Variants in RSRC1 observed in about 807,000 individuals in gnomAD.
RSRC1 encodes the protein serine/Arginine-related protein 53.
Under a neutral mutation model 49.1 loss-of-function variants are expected in RSRC1, and 39 were observed. The ratio of observed to expected loss-of-function variants is 0.79; its 90% CI spans 0.61 to 1.04. The LOEUF is 1.04. RSRC1 is among the 50% of genes least tolerant of loss of function. RSRC1 has a pLI of 0.00. For missense variants in RSRC1, 388 were observed against 402.4 expected (o/e 0.96, Z 0.31); for synonymous variants, 143 against 130.8 (o/e 1.09, Z -0.63).
chr3:158,342,718 C>T (rs1008041278), intron 5 of RSRC1, among the ~76,000 whole-genome samples: 6 of 152,086 alleles, frequency 3.9e-5, no homozygotes, highest in South Asian at 2.1e-4. Context: ...CTTCCAGTCA[C>T]GATGGAATAA....
intron 4 of RSRC1, among the ~76,000 whole-genome samples, chr3:158,291,528 A>G (rs1013697164): frequency 2.0e-5 from 3 of 152,208 alleles, no homozygotes; most frequent in Non-Finnish European, 4.4e-5. Flanking sequence ...CACTTTTATA[A>G]GTAAATCCAT....
intron 7 of RSRC1, among the ~76,000 whole-genome samples, chr3:158,530,946 AACTC>A (rs1174449756): frequency 1.3e-5 from 2 of 150,010 alleles, no homozygotes; most frequent in Admixed American, 6.6e-5. Context: ...AAAAAAAAAA[AACTC>A]ACCACTGAAA....
intron 4 of RSRC1, among the ~76,000 whole-genome samples, chr3:158,241,027 C>A (rs1200835704): frequency 6.6e-6 from 1 of 151,986 alleles, no homozygotes; most frequent in African/African-American, 2.4e-5. Context: ...AATGTATAAA[C>A]TAAACTTTAT....
At chr3:158,382,026 A>G (rs1224689965) in intron 6 of RSRC1, among the ~76,000 whole-genome samples, 1 of 152,208 alleles carries the variant, frequency 6.6e-6, no homozygotes, top group African/African-American at 2.4e-5. Flanking sequence ...ACCATTTTAA[A>G]TAACACTCAG....
intron 7 of RSRC1, among the ~76,000 whole-genome samples, chr3:158,519,530 T>G (rs1711543422): frequency 6.6e-6 from 1 of 151,784 alleles, no homozygotes; most frequent in South Asian, 2.1e-4. Flanking sequence ...CTGTAAAGAT[T>G]ATAAGCTAAA....
intron 7 of RSRC1, among the ~76,000 whole-genome samples, chr3:158,462,398 G>T (rs1415059849): frequency 6.6e-6 from 1 of 151,730 alleles, no homozygotes; most frequent in Non-Finnish European, 1.5e-5. Flanking sequence ...TAACATAATG[G>T]CCCTTATAAA....
intron 3 of RSRC1, among the ~76,000 whole-genome samples, chr3:158,124,314 A>T (rs1443068444): frequency 6.6e-6 from 1 of 152,080 alleles, no homozygotes; most frequent in South Asian, 2.1e-4. Flanking sequence ...TTCCCCAGAC[A>T]TGAGTTTACT....
intron 5 of RSRC1, among the ~76,000 whole-genome samples, chr3:158,331,952 G>C (rs553824001): frequency 3.4e-4 from 52 of 150,930 alleles, no homozygotes; most frequent in Non-Finnish European, 7.4e-4. Flanking sequence ...AGTATACAAA[G>C]CAGTACTTTT....
intron 4 of RSRC1, among the ~76,000 whole-genome samples, chr3:158,269,806 C>G (rs893185814): frequency 6.6e-6 from 1 of 152,136 alleles, no homozygotes; most frequent in African/African-American, 2.4e-5. Context: ...GCCCAGAAAA[C>G]AGATTTCTTA....
chr3:158,248,133 C>T (rs929083080), intron 4 of RSRC1, among the ~76,000 whole-genome samples: 1 of 152,182 alleles, frequency 6.6e-6, no homozygotes, highest in African/African-American at 2.4e-5. Flanking sequence ...GGCATTTTCT[C>T]TTGCTCCCTC....
At chr3:158,341,341 GCC>G (rs763514235) in intron 5 of RSRC1, among the ~76,000 whole-genome samples, 7 of 152,082 alleles carry the variant, frequency 4.6e-5, no homozygotes, top group Non-Finnish European at 1.0e-4. Flanking sequence ...GGTTTCGTGG[GCC>G]AGGTCCAGGT....
chr3:158,348,516 G>T (rs1311129342), intron 5 of RSRC1, among the ~76,000 whole-genome samples: 1 of 152,040 alleles, frequency 6.6e-6, no homozygotes, highest in African/African-American at 2.4e-5. Context: ...ATCTCCACAG[G>T]CCATTATGAG....
At chr3:158,226,584 A>G (rs1468148717) in intron 4 of RSRC1, among the ~76,000 whole-genome samples, 1 of 151,890 alleles carries the variant, frequency 6.6e-6, no homozygotes, top group Non-Finnish European at 1.5e-5. Context: ...CCCTGTGTCT[A>G]GTGTAATATA....
chr3:158,238,527 C>G (rs368737398), intron 4 of RSRC1, among the ~76,000 whole-genome samples: 1 of 152,050 alleles, frequency 6.6e-6, no homozygotes. Flanking sequence ...AGATATAGAC[C>G]AATGGAGCAG....
chr3:158,297,038 A>C (rs1727274758), intron 4 of RSRC1, among the ~76,000 whole-genome samples: 1 of 152,068 alleles, frequency 6.6e-6, no homozygotes, highest in African/African-American at 2.4e-5. Context: ...CCCCTCAGAG[A>C]AGTGAGATGT....
At chr3:158,520,608 C>A (rs929119968) in intron 7 of RSRC1, among the ~76,000 whole-genome samples, 1 of 152,140 alleles carries the variant, frequency 6.6e-6, no homozygotes, top group African/African-American at 2.4e-5. Context: ...TAATCACTGT[C>A]TTATTGCTTC....
At chr3:158,382,442 A>C (rs1732753181) in intron 6 of RSRC1, among the ~76,000 whole-genome samples, 1 of 152,202 alleles carries the variant, frequency 6.6e-6, no homozygotes, top group Non-Finnish European at 1.5e-5. Context: ...GTTTGTTTAC[A>C]CCAATATCAC....
intron 4 of RSRC1, among the ~76,000 whole-genome samples, chr3:158,211,669 C>T (rs898610574): frequency 1.3e-5 from 2 of 151,922 alleles, no homozygotes; most frequent in South Asian, 2.1e-4. Flanking sequence ...AAGTCATTTA[C>T]AGTTTTTTTC....
intron 4 of RSRC1, among the ~76,000 whole-genome samples, chr3:158,210,200 C>T (rs959884184): frequency 6.6e-6 from 1 of 152,024 alleles, no homozygotes; most frequent in South Asian, 2.1e-4. Flanking sequence ...CTTAGAACTC[C>T]TTTTAAGTGT....
Sources: allele counts gnomAD v4.1 joint callset (sites outside exome capture counted in the v4.1 genomes callset), GRCh38; gene constraint gnomAD v4.1.1; transcripts MANE v1.5; gene names NCBI Gene and HGNC (gene_info 2026-07-23, HGNC 2026-07-21).